Variants in KCTD8 observed in about 807,000 individuals in gnomAD.
KCTD8 encodes BTB/POZ domain-containing protein KCTD8.
KCTD8 carries 27 observed loss-of-function variants against 31.5 expected under a neutral mutation model. That is an observed-to-expected ratio of 0.86 (90% CI 0.63 to 1.18). KCTD8 has a LOEUF of 1.18. KCTD8 is among the 50% of genes most tolerant of loss of function. The pLI, the probability that KCTD8 is intolerant of heterozygous loss-of-function variation, is 0.00. For synonymous variants in KCTD8, 290 were observed against 280.0 expected (o/e 1.04, Z -0.36); for missense variants, 658 against 647.7 (o/e 1.02, Z -0.17).
At chr4:44,377,930 T>C (rs920410828) in intron 1 of KCTD8, among the ~76,000 whole-genome samples, 2 of 152,104 alleles carry the variant, frequency 1.3e-5, no homozygotes, top group Non-Finnish European at 2.9e-5. Flanking sequence ...TAGTGAACAC[T>C]TTTCATAATT....
chr4:44,208,754 A>C (rs1302538839), intron 1 of KCTD8, among the ~76,000 whole-genome samples: 1 of 152,138 alleles, frequency 6.6e-6, no homozygotes, highest in African/African-American at 2.4e-5. Context: ...CTACCTATAG[A>C]TACTGTAAAT....
Position 44,188,012 on chromosome 4 carries a change from C to CA in KCTD8, c.962-12763dup, listed in dbSNP as rs760998181. ...ACACATATATATATACATGCACACACAAAAAAAAAACAGTCTAACACTCTT... is the reference window on the plus strand; with the variant it reads ...ACACATATATATATACATGCACACACAAAAAAAAAAACAGTCTAACACTCTT... On this transcript the variant is annotated intron_variant, in intron 1 of 1. Transcript: ENST00000360029. Among the ~76,000 whole-genome samples, 1,240 of 145,294 alleles carry CA rather than the reference C, an allele frequency of 8.5e-3. 7 individuals carry two copies. Among genetic ancestry groups the CA allele is most frequent in the African/African-American group, 0.019 (754 of 39,966 alleles).
chr4:44,297,592 G>A (rs751506519), intron 1 of KCTD8, among the ~76,000 whole-genome samples: 8 of 151,896 alleles, frequency 5.3e-5, no homozygotes, highest in East Asian at 1.9e-4. Context: ...TGCTATTTAC[G>A]CTACCACAGA....
chr4:44,214,635 T>C (rs955914164), intron 1 of KCTD8, among the ~76,000 whole-genome samples: 3 of 152,242 alleles, frequency 2.0e-5, no homozygotes, highest in Non-Finnish European at 4.4e-5. Context: ...GAAAGAGATC[T>C]GACCTAACTG....
At chr4:44,333,721 T>C (rs185592627) in intron 1 of KCTD8, among the ~76,000 whole-genome samples, 1 of 152,148 alleles carries the variant, frequency 6.6e-6, no homozygotes, top group African/African-American at 2.4e-5. Flanking sequence ...TGATGTTGTA[T>C]TGAGGTGAAT....
intron 1 of KCTD8, among the ~76,000 whole-genome samples, chr4:44,433,369 G>A (rs868520976): frequency 6.6e-6 from 1 of 151,634 alleles, no homozygotes; most frequent in Admixed American, 6.6e-5. Flanking sequence ...AATTTCAAAA[G>A]TGCAGGACTA....
chr4:44,240,539 T>C (rs1715428255), intron 1 of KCTD8, among the ~76,000 whole-genome samples: 1 of 152,216 alleles, frequency 6.6e-6, no homozygotes, highest in South Asian at 2.1e-4. Flanking sequence ...TCTCGATATG[T>C]TGTTGCCCAG....
intron 1 of KCTD8, among the ~76,000 whole-genome samples, chr4:44,395,118 C>T (rs1720465364): frequency 6.6e-6 from 1 of 151,890 alleles, no homozygotes; most frequent in Non-Finnish European, 1.5e-5. Flanking sequence ...TGGTTAGTAG[C>T]CAGAACTGTG....
intron 1 of KCTD8, among the ~76,000 whole-genome samples, chr4:44,361,084 G>A (rs989944608): frequency 3.3e-5 from 5 of 151,490 alleles, no homozygotes; most frequent in African/African-American, 1.2e-4. Context: ...TCCCTTGATC[G>A]TACTCACTTC....
At chr4:44,325,581 T>C (rs1718422381) in intron 1 of KCTD8, among the ~76,000 whole-genome samples, 1 of 151,954 alleles carries the variant, frequency 6.6e-6, no homozygotes, top group South Asian at 2.1e-4. Flanking sequence ...ATTGCGTGCC[T>C]GTATCAAAAC....
At chr4:44,354,219 T>A (rs1314104411) in intron 1 of KCTD8, among the ~76,000 whole-genome samples, 1 of 152,106 alleles carries the variant, frequency 6.6e-6, no homozygotes. Context: ...TCATTTGTTG[T>A]GTGTGTGTGT....
intron 1 of KCTD8, among the ~76,000 whole-genome samples, chr4:44,403,057 G>A (rs1577656719): frequency 6.6e-6 from 1 of 152,112 alleles, no homozygotes; most frequent in Non-Finnish European, 1.5e-5. Flanking sequence ...CTCATTTATC[G>A]AACATTTCAA....
chr4:44,293,053 A>T (rs1164286720), intron 1 of KCTD8, among the ~76,000 whole-genome samples: 1 of 152,106 alleles, frequency 6.6e-6, no homozygotes, highest in Non-Finnish European at 1.5e-5. Flanking sequence ...GATCATTAAG[A>T]GATGTTGATA....
intron 1 of KCTD8, among the ~76,000 whole-genome samples, chr4:44,214,613 G>A (rs1714595487): frequency 6.6e-6 from 1 of 152,166 alleles, no homozygotes; most frequent in South Asian, 2.1e-4. Context: ...TAACTGAGAA[G>A]ATTATGATGG....
intron 1 of KCTD8, among the ~76,000 whole-genome samples, chr4:44,252,484 T>A (rs572277874): frequency 1.3e-5 from 2 of 151,968 alleles, no homozygotes; most frequent in East Asian, 3.9e-4. Context: ...ACCATCAATG[T>A]AGAAGTGTTC....
chr4:44,214,668 C>G lies in KCTD8; in HGVS notation c.962-39418G>C, dbSNP rs112228129. On this transcript the variant is annotated intron_variant, in intron 1 of 1. Transcript: ENST00000360029. Reference sequence around the variant, plus strand: ...CTGACCCCATGTTGGTTCCAACCTCCAAGCTGTCCTTGTTCATTGCTGTGC... The same window carrying G: ...CTGACCCCATGTTGGTTCCAACCTCGAAGCTGTCCTTGTTCATTGCTGTGC... Among the ~76,000 whole-genome samples, 524 of 152,260 alleles carry G rather than the reference C, an allele frequency of 3.4e-3. 7 individuals are homozygous for G. The highest frequency in any genetic ancestry group is 0.012 in the African/African-American group (492 of 41,548).
intron 1 of KCTD8, among the ~76,000 whole-genome samples, chr4:44,400,526 C>T (rs1381282265): frequency 4.6e-5 from 7 of 151,802 alleles, no homozygotes; most frequent in East Asian, 3.9e-4. Context: ...GTCAGGAGTT[C>T]GAGACCAGCC....
At chr4:44,336,356 T>C (rs570047236) in intron 1 of KCTD8, among the ~76,000 whole-genome samples, 1 of 151,702 alleles carries the variant, frequency 6.6e-6, no homozygotes, top group Admixed American at 6.6e-5. Context: ...AAGAACATCT[T>C]CACAGAATTG....
intron 1 of KCTD8, among the ~76,000 whole-genome samples, chr4:44,304,270 A>G (rs1165248513): frequency 1.3e-5 from 2 of 152,168 alleles, no homozygotes; most frequent in African/African-American, 4.8e-5. Context: ...TGACAGAAGA[A>G]TTGACATGTC....
Sources: gnomAD v4.1 joint callset for allele counts (sites outside exome capture counted in the v4.1 genomes callset) on GRCh38, gnomAD v4.1.1 for gene constraint, MANE v1.5 for transcripts, NCBI Gene and HGNC (gene_info 2026-07-23, HGNC 2026-07-21) for gene names.